SAMD5: variants seen among roughly 807,000 people sequenced by gnomAD.
SAMD5 encodes sterile alpha motif domain containing 5.
A neutral mutation model predicts 11.3 loss-of-function variants in SAMD5; 13 were observed. That is an observed-to-expected ratio of 1.15 (90% CI 0.75 to 1.83). The LOEUF (loss-of-function observed/expected upper bound fraction) is 1.83, where lower values mean the gene tolerates loss of function less well. Ranked by LOEUF, SAMD5 falls within the 40% of genes most tolerant of loss-of-function variation. The pLI is 0.00. For synonymous variants in SAMD5, 129 were observed against 111.3 expected, an observed-to-expected ratio of 1.16 and a Z score of -1.00; for missense variants, 255 against 239.1, an observed-to-expected ratio of 1.07 and a Z score of -0.44.
chr6:147,718,389 T>G (rs1298080185), intron 1 of SAMD5, among the ~76,000 whole-genome samples: 1 of 152,202 alleles, frequency 6.6e-6, no homozygotes, highest in Non-Finnish European at 1.5e-5. Context: ...TACCATGGTT[T>G]TCTAGTTTGC....
intron 1 of SAMD5, among the ~76,000 whole-genome samples, chr6:147,595,522 C>CTTTT (rs770537446): frequency 1.2e-4 from 13 of 106,626 alleles, no homozygotes; most frequent in East Asian, 3.2e-4. Flanking sequence ...ACTAAACTAC[C>CTTTT]TTTTTTTTTT....
the SAMD5 span, among the ~76,000 whole-genome samples, chr6:147,865,760 G>A: frequency 6.6e-6 from 1 of 151,990 alleles, no homozygotes; most frequent in African/African-American, 2.4e-5. Context: ...AAGGCAAAAG[G>A]AAAAAGAAAA....
At chr6:147,777,279 T>C in the SAMD5 span, among the ~76,000 whole-genome samples, 3 of 152,160 alleles carry the variant, frequency 2.0e-5, no homozygotes, top group Non-Finnish European at 4.4e-5. Flanking sequence ...GGAAACTGAA[T>C]GAGTCTTTCA....
At chr6:147,941,142 A>G in the SAMD5 span, among the ~76,000 whole-genome samples, 1 of 152,118 alleles carries the variant, frequency 6.6e-6, no homozygotes, top group Non-Finnish European at 1.5e-5. Context: ...TTTATACTGT[A>G]TCTGTGTTGT....
the SAMD5 span, among the ~76,000 whole-genome samples, chr6:147,912,519 A>G: frequency 6.6e-6 from 1 of 152,216 alleles, no homozygotes; most frequent in Non-Finnish European, 1.5e-5. Flanking sequence ...TCTTAGGTCC[A>G]TTTCTAGCTA....
intron 1 of SAMD5, among the ~76,000 whole-genome samples, chr6:147,646,609 G>A (rs780429956): frequency 7.2e-5 from 11 of 152,106 alleles, no homozygotes; most frequent in Non-Finnish European, 1.2e-4. Flanking sequence ...GGTGGCACTT[G>A]TAGTGTTGTA....
At chr6:147,606,999 G>A (rs1016049828) in intron 1 of SAMD5, among the ~76,000 whole-genome samples, 7 of 146,592 alleles carry the variant, frequency 4.8e-5, no homozygotes, top group African/African-American at 1.8e-4. Flanking sequence ...AGTATATGAA[G>A]TCCTTGCCTT....
chr6:147,812,909 T>C, the SAMD5 span, among the ~76,000 whole-genome samples: 1 of 152,238 alleles, frequency 6.6e-6, no homozygotes, highest in Non-Finnish European at 1.5e-5. Flanking sequence ...TTAATTCGTT[T>C]GTCAATATTG....
At chr6:147,781,216 C>A in the SAMD5 span, among the ~76,000 whole-genome samples, 1 of 149,886 alleles carries the variant, frequency 6.7e-6, no homozygotes, top group Non-Finnish European at 1.5e-5. Flanking sequence ...AGTGCAATGG[C>A]TTGATCACAG....
the SAMD5 span, among the ~76,000 whole-genome samples, chr6:147,816,302 ATATATAT>A: frequency 8.1e-3 from 349 of 43,204 alleles, 1 homozygote; most frequent in Non-Finnish European, 9.5e-3. Flanking sequence ...AAAAAAAAAA[ATATATAT>A]ATATATATAT....
chr6:147,559,497 A>G (rs1341555630), intron 1 of SAMD5, among the ~76,000 whole-genome samples: 1 of 152,232 alleles, frequency 6.6e-6, no homozygotes, highest in Non-Finnish European at 1.5e-5. Flanking sequence ...AATGAAGGTT[A>G]GAAACCGTGT....
chr6:147,705,994 G>C (rs1225143092), intron 1 of SAMD5, among the ~76,000 whole-genome samples: 2 of 151,938 alleles, frequency 1.3e-5, no homozygotes, highest in Non-Finnish European at 2.9e-5. Context: ...TTGTATGTTT[G>C]TTTCTATATT....
chr6:147,575,983 A>G (rs1465447510), intron 1 of SAMD5, among the ~76,000 whole-genome samples: 1 of 152,092 alleles, frequency 6.6e-6, no homozygotes, highest in African/African-American at 2.4e-5. Flanking sequence ...TACCCCTTGC[A>G]TTACCAATAC....
At chr6:147,948,545 T>C in the SAMD5 span, among the ~76,000 whole-genome samples, 5 of 152,154 alleles carry the variant, frequency 3.3e-5, no homozygotes, top group African/African-American at 1.2e-4. Context: ...AGCATTGAAT[T>C]TGGTTTAGCT....
In SAMD5 at chr6:147,566,295, T is replaced by G; in HGVS notation, c.*1839T>G. The G allele has an allele frequency of 5.1e-6, 5 of 980,572 alleles. No individual in the cohort carries two copies. Among genetic ancestry groups the G allele is most frequent in the Non-Finnish European group, 6.1e-6 (5 of 825,398 alleles). The allele number at this position is 980,572 out of a possible 1,614,324, so 60.7% of individuals were successfully genotyped here. A position where few individuals can be genotyped will look rare whatever the true frequency, so the allele number is the denominator to read the frequency against. ...TCCAGTTAACCTTTCATCTTTTTTT[T>G]TTTTCCAAATGAACTAGGGTCTTTA... On this transcript the variant is annotated 3_prime_UTR_variant, in exon 2 of 2. Transcript: ENST00000367474.
the SAMD5 span, among the ~76,000 whole-genome samples, chr6:147,945,597 A>C: frequency 6.6e-6 from 1 of 152,132 alleles, no homozygotes; most frequent in Non-Finnish European, 1.5e-5. Context: ...AACTTCCTAG[A>C]GGGTGATGAA....
chr6:147,914,003 A>G, the SAMD5 span, among the ~76,000 whole-genome samples: 1 of 152,248 alleles, frequency 6.6e-6, no homozygotes, highest in East Asian at 1.9e-4. Flanking sequence ...TCCCTGGAGA[A>G]ATAGGTGATT....
At chr6:147,523,800 C>T (rs1415379379) in intron 1 of SAMD5, among the ~76,000 whole-genome samples, 4 of 152,164 alleles carry the variant, frequency 2.6e-5, no homozygotes, top group Non-Finnish European at 5.9e-5. Context: ...ATTACCTGCA[C>T]AGCTGGTCCT....
the SAMD5 span, among the ~76,000 whole-genome samples, chr6:147,812,387 C>T: frequency 2.0e-3 from 298 of 151,940 alleles, 1 homozygote; most frequent in African/African-American, 6.4e-3. Context: ...ATGGGTGTGT[C>T]TCTCCGTGTG....
Sources: gnomAD v4.1 joint callset for allele counts (sites outside exome capture counted in the v4.1 genomes callset) on GRCh38, gnomAD v4.1.1 for gene constraint, MANE v1.5 for transcripts, NCBI Gene and HGNC (gene_info 2026-07-23, HGNC 2026-07-21) for gene names.